PDE10A: variants seen among roughly 807,000 people sequenced by gnomAD.
The protein encoded by PDE10A is cAMP and cAMP-inhibited cGMP 3',5'-cyclic phosphodiesterase 10A.
In PDE10A, 39 loss-of-function variants were observed where a neutral mutation model predicts 97.7. The observed-to-expected ratio is 0.40, with a 90% confidence interval of 0.31 to 0.52. PDE10A has a LOEUF of 0.52. Among genes scored for constraint, PDE10A ranks in the 20% least tolerant of loss-of-function variants. The pLI, the probability that PDE10A is intolerant of heterozygous loss-of-function variation, is 0.56. For synonymous variants in PDE10A, 371 were observed against 376.8 expected, an observed-to-expected ratio of 0.98 and a Z score of 0.18; for missense variants, 731 against 1,047.8, an observed-to-expected ratio of 0.70 and a Z score of 4.17.
chr6:165,738,266 G>A (rs1792631349), intron 1 of PDE10A, among the ~76,000 whole-genome samples: 1 of 149,704 alleles, frequency 6.7e-6, no homozygotes, highest in Non-Finnish European at 1.5e-5. Context: ...TGCGGTGTTT[G>A]GTTTTTTGTT....
At chr6:165,550,281 A>T (rs1783947071) in intron 1 of PDE10A, among the ~76,000 whole-genome samples, 1 of 152,166 alleles carries the variant, frequency 6.6e-6, no homozygotes, top group Admixed American at 6.5e-5. Context: ...AAAAACCTTT[A>T]AAAAAATTCT....
At chr6:165,741,989 C>T (rs1425941955) in intron 1 of PDE10A, among the ~76,000 whole-genome samples, 1 of 152,162 alleles carries the variant, frequency 6.6e-6, no homozygotes, top group Non-Finnish European at 1.5e-5. Context: ...TGTGAAAGAA[C>T]AGCAGGATTT....
chr6:165,631,066 G>C (rs564453797), intron 1 of PDE10A, among the ~76,000 whole-genome samples: 1 of 152,272 alleles, frequency 6.6e-6, no homozygotes, highest in South Asian at 2.1e-4. Context: ...TATATAGCCA[G>C]CTATTTTCTT....
At chr6:165,454,361 T>C (rs893532778) in intron 3 of PDE10A, among the ~76,000 whole-genome samples, 1 of 152,146 alleles carries the variant, frequency 6.6e-6, no homozygotes, top group African/African-American at 2.4e-5. Context: ...AGGACATGAA[T>C]TTTGGTGGCC....
intron 2 of PDE10A, among the ~76,000 whole-genome samples, chr6:165,536,785 CAAAA>C (rs1783112494): frequency 6.6e-6 from 1 of 151,568 alleles, no homozygotes; most frequent in Non-Finnish European, 1.5e-5. Flanking sequence ...TGACTGTTGT[CAAAA>C]AAGACAGAAA....
At chr6:165,658,684 T>C (rs1201982860) in intron 1 of PDE10A, among the ~76,000 whole-genome samples, 1 of 152,246 alleles carries the variant, frequency 6.6e-6, no homozygotes, top group Non-Finnish European at 1.5e-5. Context: ...ACGTGACTTC[T>C]CCGCTCTCCA....
chr6:165,736,710 C>A (rs1562711266), intron 1 of PDE10A, among the ~76,000 whole-genome samples: 1 of 152,148 alleles, frequency 6.6e-6, no homozygotes, highest in Non-Finnish European at 1.5e-5. Flanking sequence ...AAAAGAAATA[C>A]TTCAGATAAA....
At chr6:165,771,378 G>C (rs1778004586) in intron 1 of PDE10A, among the ~76,000 whole-genome samples, 1 of 151,856 alleles carries the variant, frequency 6.6e-6, no homozygotes. Context: ...TTCCAGCTCG[G>C]GGCTCCTGCT....
intron 2 of PDE10A, among the ~76,000 whole-genome samples, chr6:165,527,475 C>T (rs539010589): frequency 2.0e-4 from 31 of 152,258 alleles, no homozygotes; most frequent in African/African-American, 7.5e-4. Context: ...ACAGCGGAGG[C>T]CTCTAGGATT....
At chr6:165,691,576 C>T (rs1344719633) in intron 1 of PDE10A, among the ~76,000 whole-genome samples, 13 of 119,458 alleles carry the variant, frequency 1.1e-4, no homozygotes, top group African/African-American at 1.8e-4. Context: ...CCCATGCGCA[C>T]GCATGCACGC....
intron 1 of PDE10A, among the ~76,000 whole-genome samples, chr6:165,936,462 GGAA>G (rs1413473885): frequency 6.6e-6 from 1 of 152,164 alleles, no homozygotes; most frequent in Admixed American, 6.5e-5. Context: ...TTTTTGAGAA[GGAA>G]GAAGAAGAAA....
intron 1 of PDE10A, among the ~76,000 whole-genome samples, chr6:165,633,079 C>CAAAAAAAAAAAGAAAAGAAAAAAAAA (rs1788709087): frequency 7.3e-6 from 1 of 137,120 alleles, no homozygotes. Flanking sequence ...GTCACCGTGT[C>CAAAAAAAAAAAGAAAAGAAAAAAAAA]AAAAAAAAAA....
intron 17 of PDE10A, among the ~76,000 whole-genome samples, chr6:165,379,838 A>G (rs1014301534): frequency 1.4e-4 from 21 of 152,236 alleles, no homozygotes; most frequent in Non-Finnish European, 1.6e-4. Context: ...CATGCTTAAT[A>G]GACAGTAATA....
intron 1 of PDE10A, among the ~76,000 whole-genome samples, chr6:165,621,453 T>C (rs1788130574): frequency 2.0e-5 from 3 of 152,164 alleles, no homozygotes; most frequent in African/African-American, 7.2e-5. Flanking sequence ...CGATTGAAAC[T>C]GTCAGTAAAG....
chr6:165,877,691 T>A (rs1781379742), intron 1 of PDE10A, among the ~76,000 whole-genome samples: 1 of 152,152 alleles, frequency 6.6e-6, no homozygotes, highest in Non-Finnish European at 1.5e-5. Flanking sequence ...CTTAATGTGA[T>A]TTTTTAATAA....
rs1782109606 is a variant in PDE10A at position 165,343,522 on chromosome 6, G to A, written c.2784-20C>T. ...CGGTCTCTAGAACACAACAATATAA[G>A]ACTGGTCAGCATAGCATTTGCACAT... On this transcript the variant is annotated intron_variant, in intron 18 of 21. Transcript: ENST00000539869. The A allele has an allele frequency of 9.1e-6, 14 of 1,532,434 alleles. No individual in the cohort carries two copies. The highest frequency in any genetic ancestry group is 1.7e-4 in the Middle Eastern group (1 of 5,914). The allele number at this position is 1,532,434 out of a possible 1,614,324, so 94.9% of individuals were successfully genotyped here.
chr6:165,707,094 C>A (rs1156679743), intron 1 of PDE10A, among the ~76,000 whole-genome samples: 2 of 152,182 alleles, frequency 1.3e-5, no homozygotes, highest in Admixed American at 6.5e-5. Flanking sequence ...GAAACAGTCT[C>A]AAAATTATGG....
intron 1 of PDE10A, among the ~76,000 whole-genome samples, chr6:165,943,235 GAA>G: frequency 3.9e-5 from 2 of 51,806 alleles, no homozygotes; most frequent in African/African-American, 9.7e-5. Context: ...AAGAAAGAAA[GAA>G]GGAAGGAAGG....
chr6:165,721,392 T>A (rs1484564406), intron 1 of PDE10A, among the ~76,000 whole-genome samples: 1 of 152,240 alleles, frequency 6.6e-6, no homozygotes, highest in Non-Finnish European at 1.5e-5. Flanking sequence ...CTGTATTGCT[T>A]CTTATTTGCT....
Sources: allele counts gnomAD v4.1 joint callset (sites outside exome capture counted in the v4.1 genomes callset), GRCh38; gene constraint gnomAD v4.1.1; transcripts MANE v1.5; gene names NCBI Gene and HGNC (gene_info 2026-07-23, HGNC 2026-07-21).